The following AMMECR1 variants were observed in gnomAD, a reference collection of about 807,000 sequenced individuals.
The protein encoded by AMMECR1 is AMMECR nuclear protein 1.
In AMMECR1, 3 loss-of-function variants were observed where a neutral mutation model predicts 22.5. That is an observed-to-expected ratio of 0.13 (90% confidence interval 0.06 to 0.35). The LOEUF (loss-of-function observed/expected upper bound fraction) is 0.35. Ranked by LOEUF, AMMECR1 falls within the 10% of genes least tolerant of loss-of-function variation. The pLI, the probability that AMMECR1 is intolerant of heterozygous loss-of-function variation, is 1.00. For missense variants in AMMECR1, 235 were observed against 278.7 expected (o/e 0.84, Z 1.12); for synonymous variants, 130 against 116.7 (o/e 1.11, Z -0.74).
At chrX:110,370,322 C>T (rs890117891) in intron 2 of AMMECR1, among the ~76,000 whole-genome samples, 25 of 111,702 alleles carry the variant, frequency 2.2e-4, no homozygotes, top group African/African-American at 7.8e-4. Context: ...AATTGTCCTG[C>T]CTCAGCCTCC....
At chrX:110,254,637 CA>C (rs200864802) in intron 2 of AMMECR1, among the ~76,000 whole-genome samples, 1,344 of 104,123 alleles carry the variant, frequency 0.013, 22 homozygotes, top group African/African-American at 0.043. Flanking sequence ...TGAACAGATA[CA>C]AAAAAAAAGA....
chrX:110,225,387 T>C (rs964185685), intron 2 of AMMECR1, among the ~76,000 whole-genome samples: 1 of 112,512 alleles, frequency 8.9e-6, no homozygotes, highest in Non-Finnish European at 1.9e-5. Flanking sequence ...ACTGTTATCA[T>C]CAGCCCATTT....
At chrX:110,293,292 T>G (rs1430334784) in intron 1 of AMMECR1, among the ~76,000 whole-genome samples, 1 of 111,883 alleles carries the variant, frequency 8.9e-6, no homozygotes, top group African/African-American at 3.3e-5. Flanking sequence ...GTGAGTATAC[T>G]ACCTTTTTAA....
chrX:110,356,719 AAAT>A (rs1269573760), intron 2 of AMMECR1, among the ~76,000 whole-genome samples: 21 of 111,330 alleles, frequency 1.9e-4, no homozygotes, highest in Middle Eastern at 4.7e-3. Flanking sequence ...TGAAAGGAAA[AAAT>A]AATAATATTT....
chrX:110,237,736 C>T lies in AMMECR1; in HGVS notation c.585-21104G>A, dbSNP rs187989419. Among the ~76,000 whole-genome samples, 500 of 112,078 alleles carry T rather than the reference C, an allele frequency of 4.5e-3. 2 individuals carry two copies. The highest frequency in any genetic ancestry group is 9.2e-3 in the Middle Eastern group (2 of 218). ...TCTCCCCTCATGTAACTAAAAACCA[C>T]TTCTTAAACTTTGGTAAACAACATT... On this transcript the variant is annotated intron_variant, in intron 2 of 5. Coordinates refer to ENST00000262844, the MANE Select transcript of AMMECR1 (RefSeq NM_015365.3).
At chrX:110,340,079 C>T (rs1041891944) in intron 2 of AMMECR1, among the ~76,000 whole-genome samples, 1 of 108,765 alleles carries the variant, frequency 9.2e-6, no homozygotes, top group Non-Finnish European at 1.9e-5. Context: ...AATCCTGGCT[C>T]CACTACTTAC....
At chrX:110,243,549 A>T (rs1383840857) in intron 2 of AMMECR1, among the ~76,000 whole-genome samples, 2 of 112,400 alleles carry the variant, frequency 1.8e-5, no homozygotes, top group African/African-American at 6.4e-5. Flanking sequence ...TTACCTTTAA[A>T]GATGCCTGGA....
intron 1 of AMMECR1, among the ~76,000 whole-genome samples, chrX:110,308,647 C>A (rs770690228): frequency 4.5e-5 from 5 of 111,795 alleles, no homozygotes; most frequent in African/African-American, 1.6e-4. Context: ...TAACTACTGA[C>A]TTTCTCTGTA....
At chrX:110,247,078 C>A (rs908467630) in intron 2 of AMMECR1, among the ~76,000 whole-genome samples, 9 of 112,424 alleles carry the variant, frequency 8.0e-5, no homozygotes, top group Admixed American at 2.8e-4. Flanking sequence ...AAATGTTACT[C>A]ATTTCTGAGC....
intron 1 of AMMECR1, among the ~76,000 whole-genome samples, chrX:110,281,670 T>A (rs930542129): frequency 5.3e-5 from 6 of 112,303 alleles, no homozygotes; most frequent in Admixed American, 4.7e-4. Flanking sequence ...AGGTAGAAAC[T>A]GCACAGGGAT....
At chrX:110,400,217 A>G (rs190413327) in intron 2 of AMMECR1, among the ~76,000 whole-genome samples, 1 of 105,904 alleles carries the variant, frequency 9.4e-6, no homozygotes, top group East Asian at 2.9e-4. Context: ...GCCACTGAGT[A>G]GATATCTTGT....
At chrX:110,236,252 T>A (rs1035950312) in intron 2 of AMMECR1, among the ~76,000 whole-genome samples, 1 of 112,168 alleles carries the variant, frequency 8.9e-6, no homozygotes, top group Non-Finnish European at 1.9e-5. Flanking sequence ...CTACATTCAA[T>A]TTCAATGCTG....
intron 1 of AMMECR1, among the ~76,000 whole-genome samples, chrX:110,290,020 A>G (rs1376602313): frequency 9.0e-6 from 1 of 111,586 alleles, no homozygotes; most frequent in East Asian, 2.8e-4. Context: ...ACAGGTAGAA[A>G]CCCATTATAG....
intron 2 of AMMECR1, among the ~76,000 whole-genome samples, chrX:110,237,509 A>G (rs1477804389): frequency 9.0e-6 from 1 of 111,391 alleles, no homozygotes; most frequent in African/African-American, 3.3e-5. Flanking sequence ...GGTTCTTACA[A>G]CTTACCCGAC....
chrX:110,318,616 C>T (rs1239627678), upstream of AMMECR1, among the ~76,000 whole-genome samples: 1 of 110,963 alleles, frequency 9.0e-6, no homozygotes, highest in Non-Finnish European at 1.9e-5. Context: ...CCTGAGCCAC[C>T]CGGCCTCAAA....
At chrX:110,202,764 T>C (rs10521527) in intron 3 of AMMECR1, among the ~76,000 whole-genome samples, 1,257 of 111,676 alleles carry the variant, frequency 0.011, 12 homozygotes, top group African/African-American at 0.038. Context: ...TAGGCTATGA[T>C]ACTATGTTTG....
chrX:110,324,216 C>T (rs145674288), intron 2 of AMMECR1, among the ~76,000 whole-genome samples: 2,123 of 110,548 alleles, frequency 0.019, 45 homozygotes, highest in African/African-American at 0.066. Context: ...AGGCTGGTCT[C>T]GAACTCCTGA....
At chrX:110,245,377 C>T (rs938630094) in intron 2 of AMMECR1, among the ~76,000 whole-genome samples, 2 of 111,790 alleles carry the variant, frequency 1.8e-5, no homozygotes, top group African/African-American at 6.5e-5. Flanking sequence ...GGACTTTTCT[C>T]CCTACTGCAA....
intron 2 of AMMECR1, among the ~76,000 whole-genome samples, chrX:110,367,486 ACT>A (rs771687201): frequency 1.8e-5 from 2 of 109,578 alleles, no homozygotes; most frequent in South Asian, 7.9e-4. Context: ...ACAGTTTATC[ACT>A]CTCTCCTTGA....
Sources: gnomAD v4.1 joint callset for allele counts (sites outside exome capture counted in the v4.1 genomes callset) on GRCh38, gnomAD v4.1.1 for gene constraint, MANE v1.5 for transcripts, NCBI Gene and HGNC (gene_info 2026-07-23, HGNC 2026-07-21) for gene names.